Variants in SMIM31 observed in about 807,000 individuals in gnomAD.
SMIM31 encodes human epithelial cell program regulator.
intron 2 of SMIM31, among the ~76,000 whole-genome samples, chr4:164,786,783 A>G (rs999708366): frequency 6.6e-6 from 1 of 152,200 alleles, no homozygotes; most frequent in African/African-American, 2.4e-5. Context: ...GAACATTTGG[A>G]CACTTTACAT....
chr4:164,780,331 G>T (rs933623975), intron 2 of SMIM31, among the ~76,000 whole-genome samples: 1 of 152,224 alleles, frequency 6.6e-6, no homozygotes, highest in Non-Finnish European at 1.5e-5. Context: ...GGAGGCTGAG[G>T]CAGGAGAACT....
At chr4:164,766,523 G>T (rs754905481) in intron 1 of SMIM31, among the ~76,000 whole-genome samples, 3 of 152,114 alleles carry the variant, frequency 2.0e-5, no homozygotes, top group Admixed American at 6.6e-5. Flanking sequence ...ATGTAGCCAG[G>T]CACGGTGGCT....
At chr4:164,773,108 A>G (rs1732834431) in intron 2 of SMIM31, among the ~76,000 whole-genome samples, 1 of 151,952 alleles carries the variant, frequency 6.6e-6, no homozygotes, top group South Asian at 2.1e-4. Flanking sequence ...CTAAAAAGAT[A>G]TAACAAGATA....
chr4:164,785,363 T>C (rs1407149123), intron 2 of SMIM31, among the ~76,000 whole-genome samples: 1 of 152,196 alleles, frequency 6.6e-6, no homozygotes, highest in African/African-American at 2.4e-5. Flanking sequence ...GTTTACACTT[T>C]GTTTTTCAAA....
At chr4:164,793,971 T>C (rs756529564) in intron 2 of SMIM31, among the ~76,000 whole-genome samples, 1 of 152,182 alleles carries the variant, frequency 6.6e-6, no homozygotes, top group Non-Finnish European at 1.5e-5. Flanking sequence ...ACCAAAAGCA[T>C]ATGCAACCAA....
Position 164,801,679 on chromosome 4 carries a change from T to C in SMIM31, c.*485T>C, listed in dbSNP as rs972247670. On this transcript the variant is annotated 3_prime_UTR_variant, in exon 3 of 3. Coordinates refer to ENST00000507311, the MANE Select transcript of SMIM31 (RefSeq NM_001352885.1). ...GGTGAAAGAGGGAAAAAACACTATATATTTTTTCAGCTTTACAGAAGAAAT... is the reference window on the plus strand; with the variant it reads ...GGTGAAAGAGGGAAAAAACACTATACATTTTTTCAGCTTTACAGAAGAAAT... The C allele has an allele frequency of 1.3e-5, 2 of 152,236 alleles. No individual in the cohort carries two copies. Among genetic ancestry groups the C allele is most frequent in the Non-Finnish European group, 2.9e-5 (2 of 68,092 alleles). 9.4% of individuals were successfully genotyped at this position (152,236 alleles called of 1,614,324 possible).
intron 2 of SMIM31, among the ~76,000 whole-genome samples, chr4:164,783,232 A>AAAAAACC (rs147369524): frequency 7.9e-6 from 1 of 127,226 alleles, no homozygotes; most frequent in Admixed American, 8.1e-5. Context: ...AAAAAAAAAA[A>AAAAAACC]GGAATTTCTG....
At chr4:164,759,589 G>A (rs1173858383) in intron 1 of SMIM31, among the ~76,000 whole-genome samples, 2 of 152,052 alleles carry the variant, frequency 1.3e-5, no homozygotes, top group Non-Finnish European at 2.9e-5. Context: ...TTTTTATAGT[G>A]ACCTAAAGAT....
intron 2 of SMIM31, among the ~76,000 whole-genome samples, chr4:164,771,242 C>T (rs1732797827): frequency 6.6e-6 from 1 of 152,208 alleles, no homozygotes; most frequent in East Asian, 1.9e-4. Flanking sequence ...CCAGTTCATG[C>T]TGACTTGCAG....
At chr4:164,783,369 C>A (rs780056884) in intron 2 of SMIM31, among the ~76,000 whole-genome samples, 4 of 151,384 alleles carry the variant, frequency 2.6e-5, no homozygotes, top group African/African-American at 9.7e-5. Flanking sequence ...ACCAAAAACA[C>A]AAAAATTTGC....
At chr4:164,780,227 A>G (rs1054650359) in intron 2 of SMIM31, among the ~76,000 whole-genome samples, 1 of 152,202 alleles carries the variant, frequency 6.6e-6, no homozygotes, top group Admixed American at 6.5e-5. Flanking sequence ...GGAGATCAAG[A>G]CCAGCCTGGC....
chr4:164,775,745 T>C (rs1732873153), intron 2 of SMIM31, among the ~76,000 whole-genome samples: 1 of 152,188 alleles, frequency 6.6e-6, no homozygotes, highest in Admixed American at 6.6e-5. Context: ...ATTTCTGGCA[T>C]GGAGAAAAGA....
At chr4:164,775,147 CCA>C (rs954767063) in intron 2 of SMIM31, among the ~76,000 whole-genome samples, 5 of 152,264 alleles carry the variant, frequency 3.3e-5, no homozygotes, top group Admixed American at 2.6e-4. Context: ...TGAAATCTCC[CCA>C]CTCTTATTTT....
At chr4:164,783,049 C>G (rs1732977306) in intron 2 of SMIM31, among the ~76,000 whole-genome samples, 1 of 151,302 alleles carries the variant, frequency 6.6e-6, no homozygotes, top group Non-Finnish European at 1.5e-5. Flanking sequence ...GAAACCCCAT[C>G]TCTACTAAAA....
chr4:164,785,541 T>C (rs1353100624), intron 2 of SMIM31, among the ~76,000 whole-genome samples: 2 of 151,988 alleles, frequency 1.3e-5, no homozygotes, highest in South Asian at 2.1e-4. Context: ...TTTATGTAGG[T>C]ACCAAATATA....
intron 2 of SMIM31, among the ~76,000 whole-genome samples, chr4:164,788,612 C>A (rs917167284): frequency 4.0e-5 from 6 of 149,652 alleles, no homozygotes; most frequent in African/African-American, 1.5e-4. Context: ...ACCTCAGCCT[C>A]TCGAGTAGCT....
chr4:164,765,566 A>G (rs1364590312), intron 1 of SMIM31, among the ~76,000 whole-genome samples: 1 of 151,792 alleles, frequency 6.6e-6, no homozygotes, highest in African/African-American at 2.4e-5. Flanking sequence ...ATAAGCATTC[A>G]ATGCAGCAGG....
intron 1 of SMIM31, among the ~76,000 whole-genome samples, chr4:164,766,729 C>T (rs913677564): frequency 7.3e-5 from 11 of 150,338 alleles, no homozygotes; most frequent in Admixed American, 2.0e-4. Context: ...ACCCGGGAAG[C>T]GGAGGTTGTA....
At chr4:164,761,606 T>C (rs1337080684) in intron 1 of SMIM31, among the ~76,000 whole-genome samples, 1 of 152,124 alleles carries the variant, frequency 6.6e-6, no homozygotes, top group Non-Finnish European at 1.5e-5. Flanking sequence ...ATCTCCACCC[T>C]GTTCATAAGA....
Sources: gnomAD v4.1 joint callset for allele counts (sites outside exome capture counted in the v4.1 genomes callset) on GRCh38, gnomAD v4.1.1 for gene constraint, MANE v1.5 for transcripts, NCBI Gene and HGNC (gene_info 2026-07-23, HGNC 2026-07-21) for gene names.